PRKCA: variants seen among roughly 807,000 people sequenced by gnomAD.
PRKCA encodes protein kinase C alpha.
In PRKCA, 27 loss-of-function variants were observed where a neutral mutation model predicts 87.0. The observed-to-expected ratio is 0.31, with a 90% CI of 0.23 to 0.43. PRKCA has a LOEUF of 0.43. Among genes scored for constraint, PRKCA ranks in the 20% least tolerant of loss-of-function variants. PRKCA has a pLI of 1.00. For synonymous variants in PRKCA, 329 were observed against 311.1 expected (o/e 1.06, Z -0.61); for missense variants, 518 against 852.3 (o/e 0.61, Z 4.88).
chr17:66,701,389 T>TG (rs1973059802), intron 8 of PRKCA, among the ~76,000 whole-genome samples: 1 of 152,082 alleles, frequency 6.6e-6, no homozygotes, highest in African/African-American at 2.4e-5. Context: ...ACATTGGTCT[T>TG]GACAATGGTT....
chr17:66,513,445 T>C (rs1917332364), intron 3 of PRKCA, among the ~76,000 whole-genome samples: 2 of 152,248 alleles, frequency 1.3e-5, no homozygotes, highest in East Asian at 1.9e-4. Context: ...TAAAATAAAA[T>C]GCATACAGTC....
intron 8 of PRKCA, among the ~76,000 whole-genome samples, chr17:66,690,648 C>T (rs1170409496): frequency 2.0e-5 from 3 of 151,818 alleles, no homozygotes; most frequent in Non-Finnish European, 4.4e-5. Flanking sequence ...GCCAACATGG[C>T]GAAACCCAAT....
chr17:66,386,227 A>G (rs1254632896), intron 2 of PRKCA, among the ~76,000 whole-genome samples: 1 of 152,044 alleles, frequency 6.6e-6, no homozygotes, highest in Non-Finnish European at 1.5e-5. Flanking sequence ...AACAGTATAG[A>G]TCTTGGACCT....
At chr17:66,724,211 G>T (rs1294561015) in intron 8 of PRKCA, among the ~76,000 whole-genome samples, 7 of 152,012 alleles carry the variant, frequency 4.6e-5, no homozygotes, top group Non-Finnish European at 8.8e-5. Flanking sequence ...CAGGAGAATG[G>T]TGTGAACCCG....
intron 8 of PRKCA, among the ~76,000 whole-genome samples, chr17:66,697,311 C>A (rs1216111394): frequency 6.6e-6 from 1 of 152,196 alleles, no homozygotes; most frequent in Non-Finnish European, 1.5e-5. Context: ...GAGCTTTCAC[C>A]ATCATTCCCC....
intron 2 of PRKCA, among the ~76,000 whole-genome samples, chr17:66,355,394 T>A (rs1381150474): frequency 6.6e-6 from 1 of 152,220 alleles, no homozygotes; most frequent in East Asian, 1.9e-4. Flanking sequence ...GTTTTGCACC[T>A]GCTTGTGCAG....
intron 3 of PRKCA, among the ~76,000 whole-genome samples, chr17:66,633,150 A>C (rs1001087255): frequency 6.6e-6 from 1 of 152,192 alleles, no homozygotes; most frequent in Non-Finnish European, 1.5e-5. Context: ...GCCGCCTGAG[A>C]AGGGGCATGG....
intron 3 of PRKCA, among the ~76,000 whole-genome samples, chr17:66,524,511 A>ACAGTTAGTACTATCTTAGATGTGAGAATC (rs1491212534): frequency 6.6e-6 from 1 of 152,220 alleles, no homozygotes; most frequent in East Asian, 1.9e-4. Context: ...ACCCATATGT[A>ACAGTTAGTACTATCTTAGATGTGAGAATC]CAGTTAGTAC....
intron 2 of PRKCA, among the ~76,000 whole-genome samples, chr17:66,410,918 A>G (rs1320351961): frequency 6.6e-6 from 1 of 151,960 alleles, no homozygotes; most frequent in Non-Finnish European, 1.5e-5. Flanking sequence ...TTACTTTTTC[A>G]TGTGTGCGCT....
At chr17:66,768,190 C>T (rs1463429565) in intron 13 of PRKCA, among the ~76,000 whole-genome samples, 5 of 152,018 alleles carry the variant, frequency 3.3e-5, no homozygotes, top group South Asian at 2.1e-4. Flanking sequence ...GTGATCCGCC[C>T]GCCTGGGCCG....
chr17:66,515,603 G>A (rs563748981), intron 3 of PRKCA, among the ~76,000 whole-genome samples: 6 of 152,214 alleles, frequency 3.9e-5, no homozygotes, highest in African/African-American at 1.4e-4. Context: ...AGTGCAGTGG[G>A]GTGGTCACAG....
chr17:66,685,472 G>T (rs957710326), intron 5 of PRKCA, among the ~76,000 whole-genome samples: 2 of 152,138 alleles, frequency 1.3e-5, no homozygotes, highest in Non-Finnish European at 1.5e-5. Context: ...GGCACAAATG[G>T]GGTATGACAA....
At chr17:66,327,780 G>A (rs1906074635) in intron 2 of PRKCA, among the ~76,000 whole-genome samples, 1 of 152,178 alleles carries the variant, frequency 6.6e-6, no homozygotes. Flanking sequence ...TTCACAGAAT[G>A]AGGTCTGAAA....
chr17:66,501,890 T>C (rs149148548), intron 3 of PRKCA, among the ~76,000 whole-genome samples: 1 of 152,258 alleles, frequency 6.6e-6, no homozygotes, highest in East Asian at 1.9e-4. Flanking sequence ...CAAGTGCCCA[T>C]GCTTCTTTGG....
At chr17:66,567,417 C>T (rs1200383859) in intron 3 of PRKCA, among the ~76,000 whole-genome samples, 5 of 152,036 alleles carry the variant, frequency 3.3e-5, no homozygotes, top group South Asian at 2.1e-4. Flanking sequence ...GTTGCTAAGC[C>T]GTGGCTGTTA....
At chr17:66,625,793 T>A (rs1158239871) in intron 3 of PRKCA, among the ~76,000 whole-genome samples, 1 of 152,198 alleles carries the variant, frequency 6.6e-6, no homozygotes, top group Non-Finnish European at 1.5e-5. Flanking sequence ...TTAATTGAGT[T>A]AGAGGCATGG....
intron 2 of PRKCA, among the ~76,000 whole-genome samples, chr17:66,354,185 A>G (rs1907913429): frequency 6.6e-6 from 1 of 152,198 alleles, no homozygotes; most frequent in Non-Finnish European, 1.5e-5. Flanking sequence ...TTTCTTTTGC[A>G]GAATGAAGGA....
At chr17:66,518,854 G>A (rs920214156) in intron 3 of PRKCA, among the ~76,000 whole-genome samples, 1 of 152,184 alleles carries the variant, frequency 6.6e-6, no homozygotes, top group East Asian at 1.9e-4. Flanking sequence ...CATGGAAACA[G>A]ATCTTGGAGT....
At chr17:66,695,424 A>G (rs1972892860) in intron 8 of PRKCA, among the ~76,000 whole-genome samples, 1 of 152,178 alleles carries the variant, frequency 6.6e-6, no homozygotes, top group African/African-American at 2.4e-5. Flanking sequence ...ACTTTCAACG[A>G]ACTCATTTCT....
Sources: allele counts gnomAD v4.1 joint callset (sites outside exome capture counted in the v4.1 genomes callset), GRCh38; gene constraint gnomAD v4.1.1; transcripts MANE v1.5; gene names NCBI Gene and HGNC (gene_info 2026-07-23, HGNC 2026-07-21).